The following SARDH variants were observed in gnomAD, a reference collection of about 807,000 sequenced individuals.
SARDH encodes the protein sarcosine dehydrogenase, also known as sarcosine dehydrogenase, mitochondrial.
In SARDH, 95 loss-of-function variants were observed where a neutral mutation model predicts 109.1. That is an observed-to-expected ratio of 0.87 (90% CI 0.74 to 1.03). The LOEUF (loss-of-function observed/expected upper bound fraction) is 1.03. Ranked by LOEUF, SARDH falls within the 50% of genes least tolerant of loss-of-function variation. The pLI is 0.00. For synonymous variants in SARDH, 572 were observed against 534.8 expected, an observed-to-expected ratio of 1.07 and a Z score of -0.96; for missense variants, 1,267 against 1,287.8, an observed-to-expected ratio of 0.98 and a Z score of 0.25.
intron 8 of SARDH, 21 bp from the exon 9 acceptor site, chr9:133,713,145 C>A: frequency 6.3e-7 from 1 of 1,599,950 alleles, no homozygotes; most frequent in Non-Finnish European, 8.6e-7. Flanking sequence ...GAGAGAGAGG[C>A]CTGGAGTCCC....
chr9:133,696,426 C>A, intron 13 of SARDH, 65 bp from the exon 14 acceptor site: 1 of 1,607,402 alleles, frequency 6.2e-7, no homozygotes. Context: ...TCCTCAAGAA[C>A]GTGGAGAACG....
intron 6 of SARDH, chr9:133,725,584 G>T: frequency 2.4e-6 from 1 of 412,586 alleles, no homozygotes; most frequent in Non-Finnish European, 4.9e-6. Context: ...GCTGAGGCAC[G>T]AGAATTGCTT....
intron 17 of SARDH, among the ~76,000 whole-genome samples, chr9:133,684,712 T>C (rs1412846577): frequency 2.0e-5 from 3 of 152,230 alleles, no homozygotes; most frequent in Admixed American, 6.5e-5. Context: ...GGGGTGCTGT[T>C]TGGGGACTGG....
intron 4 of SARDH, among the ~76,000 whole-genome samples, chr9:133,730,876 C>G (rs555047402): frequency 4.0e-4 from 61 of 152,194 alleles, no homozygotes; most frequent in African/African-American, 1.3e-3. Context: ...ACTCAGGAGG[C>G]TGAGGCAGGA....
intron 6 of SARDH, among the ~76,000 whole-genome samples, chr9:133,725,896 C>A (rs891255831): frequency 1.3e-5 from 2 of 152,122 alleles, no homozygotes; most frequent in Admixed American, 6.5e-5. Context: ...CAGGGAGATA[C>A]GACCCCTGTC....
chr9:133,682,481 C>T (rs1406655909), intron 17 of SARDH, among the ~76,000 whole-genome samples: 2 of 152,208 alleles, frequency 1.3e-5, no homozygotes, highest in African/African-American at 4.8e-5. Context: ...CCCAACGGTC[C>T]TCTGAGATGC....
At chr9:133,697,216 C>T (rs1041358079) in intron 13 of SARDH, among the ~76,000 whole-genome samples, 23 of 152,252 alleles carry the variant, frequency 1.5e-4, no homozygotes, top group African/African-American at 4.6e-4. Flanking sequence ...CCTAGAAACA[C>T]ACAAATTACT....
chr9:133,721,342 AC>A (rs1361012562), intron 6 of SARDH, among the ~76,000 whole-genome samples: 1 of 152,232 alleles, frequency 6.6e-6, no homozygotes, highest in Admixed American at 6.5e-5. Context: ...GATTTTCAAC[AC>A]AGAATTCTAG....
chr9:133,700,234 G>A (rs1243362669), intron 13 of SARDH, among the ~76,000 whole-genome samples: 1 of 152,156 alleles, frequency 6.6e-6, no homozygotes, highest in African/African-American at 2.4e-5. Flanking sequence ...GGCTGAGGCA[G>A]AAGAATCGCT....
chr9:133,707,332 C>T (rs1045113275), intron 11 of SARDH, among the ~76,000 whole-genome samples: 11 of 152,094 alleles, frequency 7.2e-5, no homozygotes, highest in Non-Finnish European at 8.8e-5. Flanking sequence ...CTGGCAAGGG[C>T]GTGATTACTG....
In SARDH at chr9:133,712,849, T is replaced by C. The variant is rs557629091; in HGVS notation, c.1238-140A>G. On this transcript the variant is annotated intron_variant, in intron 9 of 20. Coordinates refer to ENST00000439388, the MANE Select transcript of SARDH (RefSeq NM_001134707.2). The surrounding 1 kb of genome is among the most constrained non-coding windows in gnomAD (Gnocchi z 4.1). ...ACCTGGGGTGCTGCACGCCTCCTGA[T>C]TGGACTGCTGCTGGACTGGACCCTG... 3.2e-6 allele frequency: 3 copies of C among 939,854 alleles called. No individual in the cohort carries two copies. The highest frequency in any genetic ancestry group is 1.6e-5 in the African/African-American group (1 of 61,766). 58.2% of individuals were successfully genotyped at this position (939,854 alleles called of 1,614,324 possible).
intron 11 of SARDH, 53 bp from the exon 12 acceptor site, chr9:133,705,084 G>A (rs1588426674): frequency 2.0e-5 from 30 of 1,508,134 alleles, no homozygotes; most frequent in East Asian, 9.7e-5. Context: ...ATACCCCTGC[G>A]CAGGGCAGAG....
rs754971196 is a variant in SARDH, at chr9:133,702,988, C to T, written c.1596G>A (p.Ala532=). The T allele has an allele frequency of 8.1e-6, 13 of 1,613,382 alleles. No homozygotes were observed. The highest frequency in any genetic ancestry group is 1.6e-4 in the Middle Eastern group (1 of 6,084). Residue 532 remains alanine, a synonymous_variant, in exon 13 of 21, where the codon GCG becomes GCA. Coordinates refer to ENST00000439388, the MANE Select transcript of SARDH (RefSeq NM_001134707.2). ...GCCTGCGGTAGGCGTAGTCCTCGTG[C>T]GCGCGGCTCCCGTAAGCCCCGTAGT... is the stretch of plus-strand genomic sequence containing the variant. ...YDYYGAYGSR[A]HEDYAYRRLL... is the part of the protein sequence containing the mutation.
chr9:133,729,750 G>A lies in SARDH; in HGVS notation c.915+15C>T, dbSNP rs781604327. On this transcript the variant is annotated intron_variant, in intron 6 of 20. Transcript: ENST00000439388. The stretch of plus-strand genomic sequence containing the variant: ...CCCCCACAGACTGACACAGAACCCG[G>A]GGCTGTCCACCTACCTGAATCCCCT... The A allele has an allele frequency of 1.9e-6, 3 of 1,608,162 alleles. No homozygotes were observed. The highest frequency in any genetic ancestry group is 2.7e-5 in the African/African-American group (2 of 74,996).
At chr9:133,724,873 G>A (rs191385232) in intron 6 of SARDH, among the ~76,000 whole-genome samples, 78 of 152,180 alleles carry the variant, frequency 5.1e-4, no homozygotes, top group Middle Eastern at 6.8e-3. Flanking sequence ...TTGGATTTTC[G>A]GATTTGGGGT....
intron 3 of SARDH, among the ~76,000 whole-genome samples, chr9:133,731,743 G>A (rs1832689990): frequency 6.6e-6 from 1 of 152,252 alleles, no homozygotes; most frequent in Non-Finnish European, 1.5e-5. Flanking sequence ...CTGGGGCAAA[G>A]TCGCTTCAGG....
intron 6 of SARDH, among the ~76,000 whole-genome samples, chr9:133,727,090 G>A (rs1832518719): frequency 6.6e-6 from 1 of 152,190 alleles, no homozygotes; most frequent in African/African-American, 2.4e-5. Flanking sequence ...CCTTGCCACT[G>A]CAAAAGTACG....
chr9:133,679,571 A>C (rs1830626854), intron 17 of SARDH, among the ~76,000 whole-genome samples: 1 of 152,118 alleles, frequency 6.6e-6, no homozygotes, highest in Admixed American at 6.5e-5. Context: ...GGCCGAGCGG[A>C]GCTCTGGGAG....
In SARDH at chr9:133,690,360, G is replaced by A; in HGVS notation, c.2069+20C>T. 1 of 1,597,980 alleles carries A rather than the reference G, an allele frequency of 6.3e-7. No individual in the cohort carries two copies. The highest frequency in any genetic ancestry group is 8.6e-7 in the Non-Finnish European group (1 of 1,169,190). On this transcript the variant is annotated intron_variant, in intron 16 of 20. Transcript: ENST00000439388. ...CAGGCAGCAGGTGCACCCAGGGGCGGGCTCCCAGTCCTCTCTCACCTGGCT... is the reference window on the plus strand; with the variant it reads ...CAGGCAGCAGGTGCACCCAGGGGCGAGCTCCCAGTCCTCTCTCACCTGGCT...
Sources: allele counts gnomAD v4.1 joint callset (sites outside exome capture counted in the v4.1 genomes callset), GRCh38; gene constraint gnomAD v4.1.1; non-coding constraint Gnocchi (gnomAD v3.1); transcripts MANE v1.5; gene names NCBI Gene and HGNC (gene_info 2026-07-23, HGNC 2026-07-21).